Variants in CHCHD3 observed in about 807,000 individuals in gnomAD.
The protein encoded by CHCHD3 is MICOS complex subunit MIC19.
Under a neutral mutation model 38.2 loss-of-function variants are expected in CHCHD3, and 20 were observed. The ratio of observed to expected loss-of-function variants is 0.52; its 90% CI spans 0.37 to 0.76. The LOEUF (loss-of-function observed/expected upper bound fraction) is 0.76. CHCHD3 is among the 30% of genes least tolerant of loss of function. The probability of loss-of-function intolerance (pLI) is 0.00; values close to 1 mark genes in which losing one functional copy is unlikely to be tolerated. For missense variants in CHCHD3, 245 were observed against 279.2 expected, an observed-to-expected ratio of 0.88 and a Z score of 0.87; for synonymous variants, 82 against 100.0, an observed-to-expected ratio of 0.82 and a Z score of 1.07.
chr7:132,969,560 G>A (rs540019069), intron 4 of CHCHD3, among the ~76,000 whole-genome samples: 9 of 152,296 alleles, frequency 5.9e-5, no homozygotes, highest in Admixed American at 2.6e-4. Context: ...ATGATATGAA[G>A]TTACTGATAC....
intron 4 of CHCHD3, among the ~76,000 whole-genome samples, chr7:132,971,224 G>T (rs1488246556): frequency 6.6e-6 from 1 of 152,160 alleles, no homozygotes; most frequent in African/African-American, 2.4e-5. Context: ...CTACAGAGGT[G>T]CTTTCCTGAT....
At chr7:132,854,665 A>G (rs1403301680) in intron 5 of CHCHD3, among the ~76,000 whole-genome samples, 4 of 152,180 alleles carry the variant, frequency 2.6e-5, no homozygotes, top group Non-Finnish European at 5.9e-5. Flanking sequence ...TTCTTCTGCC[A>G]TTTGTTAAGT....
chr7:132,832,340 A>G (rs2117085879), intron 6 of CHCHD3, among the ~76,000 whole-genome samples: 1 of 152,318 alleles, frequency 6.6e-6, no homozygotes, highest in South Asian at 2.1e-4. Flanking sequence ...AAAATCTGGC[A>G]CACAAAGGAG....
intron 3 of CHCHD3, among the ~76,000 whole-genome samples, chr7:133,011,146 T>A (rs1812859904): frequency 6.6e-6 from 1 of 152,108 alleles, no homozygotes; most frequent in Non-Finnish European, 1.5e-5. Flanking sequence ...GGCCGAAGTG[T>A]TCAATGAGAG....
Position 132,796,542 on chromosome 7 carries a change from T to G in CHCHD3, c.560A>C (p.Gln187Pro). 1.9e-6 allele frequency: 3 copies of G among 1,613,820 alleles called. No homozygotes were observed. Among genetic ancestry groups the G allele is most frequent in the Non-Finnish European group, 2.5e-6 (3 of 1,179,802 alleles). ...ACGGTAACACTGAAGAATTTTGGCC[T>G]GCAGATCAGCACAGACTGGATGAGA... ...YESHPVCADL[Q>P]AKILQCYREN... The change falls in exon 7 of 8, where the codon CAG (glutamine) becomes CCG (proline). Residue 187 changes from glutamine to proline, a missense_variant. Gln to Pro is a moderately conservative substitution (Grantham distance 76). Coordinates refer to ENST00000262570, the MANE Select transcript of CHCHD3 (RefSeq NM_017812.4).
chr7:132,867,022 A>C (rs1049887877), intron 5 of CHCHD3, among the ~76,000 whole-genome samples: 1 of 152,068 alleles, frequency 6.6e-6, no homozygotes, highest in African/African-American at 2.4e-5. Flanking sequence ...CCATACACAT[A>C]CCATCATTTT....
chr7:132,792,241 AG>A (rs1173550587), intron 7 of CHCHD3, among the ~76,000 whole-genome samples: 1 of 152,182 alleles, frequency 6.6e-6, no homozygotes, highest in East Asian at 1.9e-4. Context: ...ATCACGATCC[AG>A]GGGAGGCTTA....
chr7:132,854,440 C>T (rs533657765), intron 5 of CHCHD3, among the ~76,000 whole-genome samples: 8 of 152,238 alleles, frequency 5.3e-5, no homozygotes, highest in Admixed American at 3.3e-4. Flanking sequence ...GACAGTTACG[C>T]AACAGTTTCT....
intron 2 of CHCHD3, among the ~76,000 whole-genome samples, chr7:133,025,132 T>C (rs1341218164): frequency 6.6e-6 from 1 of 152,230 alleles, no homozygotes; most frequent in Non-Finnish European, 1.5e-5. Flanking sequence ...TTGTCATTTA[T>C]GAAAATTTTG....
intron 6 of CHCHD3, among the ~76,000 whole-genome samples, chr7:132,814,244 T>C (rs563035046): frequency 6.6e-6 from 1 of 152,256 alleles, no homozygotes; most frequent in South Asian, 2.1e-4. Flanking sequence ...ATACATGTTA[T>C]TTTGTGAAGC....
chr7:132,923,913 GTTTAA>G (rs1025376717), intron 4 of CHCHD3, among the ~76,000 whole-genome samples: 2 of 152,180 alleles, frequency 1.3e-5, no homozygotes, highest in Non-Finnish European at 2.9e-5. Context: ...TAGATGAATT[GTTTAA>G]TTTATTAGCT....
chr7:133,077,230 A>T (rs1167324181), intron 1 of CHCHD3, among the ~76,000 whole-genome samples: 1 of 152,222 alleles, frequency 6.6e-6, no homozygotes, highest in African/African-American at 2.4e-5. Flanking sequence ...AACTTCATAG[A>T]ATCTAAAGCT....
At chr7:132,795,752 G>T (rs562622878) in intron 7 of CHCHD3, among the ~76,000 whole-genome samples, 1 of 152,262 alleles carries the variant, frequency 6.6e-6, no homozygotes, top group East Asian at 1.9e-4. Flanking sequence ...TGTTAAATTG[G>T]TTAAATGATA....
intron 1 of CHCHD3, among the ~76,000 whole-genome samples, chr7:133,073,622 C>T (rs902402461): frequency 1.3e-5 from 2 of 152,146 alleles, no homozygotes; most frequent in African/African-American, 4.8e-5. Flanking sequence ...TCTTCTTTCT[C>T]TCTCATTCTT....
chr7:133,041,706 A>C (rs1813839366), intron 2 of CHCHD3, among the ~76,000 whole-genome samples: 1 of 152,214 alleles, frequency 6.6e-6, no homozygotes, highest in Admixed American at 6.5e-5. Context: ...GGACTGATTG[A>C]GTCATAACTT....
intron 3 of CHCHD3, among the ~76,000 whole-genome samples, chr7:133,017,592 C>T (rs1813064415): frequency 6.6e-6 from 1 of 152,144 alleles, no homozygotes. Context: ...ACTGTAATTA[C>T]TGTCAAAAGA....
At chr7:133,001,493 G>C (rs1381156096) in intron 3 of CHCHD3, among the ~76,000 whole-genome samples, 4 of 151,952 alleles carry the variant, frequency 2.6e-5, no homozygotes, top group African/African-American at 9.7e-5. Context: ...CAACTAAAAG[G>C]AATATTTTTC....
At chr7:132,927,717 A>G (rs1810409530) in intron 4 of CHCHD3, among the ~76,000 whole-genome samples, 1 of 152,230 alleles carries the variant, frequency 6.6e-6, no homozygotes, top group Admixed American at 6.5e-5. Context: ...CCACTGTCAG[A>G]AAGTCAGAAC....
intron 2 of CHCHD3, among the ~76,000 whole-genome samples, chr7:133,044,976 G>A (rs1384367049): frequency 2.6e-5 from 4 of 152,232 alleles, no homozygotes; most frequent in African/African-American, 7.2e-5. Flanking sequence ...CGGGGTTAGG[G>A]GAGCATGGCA....
Sources: gnomAD v4.1 joint callset for allele counts (sites outside exome capture counted in the v4.1 genomes callset) on GRCh38, gnomAD v4.1.1 for gene constraint, MANE v1.5 for transcripts, NCBI Gene and HGNC (gene_info 2026-07-23, HGNC 2026-07-21) for gene names.